IL1RAPL1: variants seen among roughly 807,000 people sequenced by gnomAD.
IL1RAPL1 encodes the protein interleukin-1 receptor accessory protein-like 1.
Under a neutral mutation model 48.4 loss-of-function variants are expected in IL1RAPL1, and 3 were observed. That is an observed-to-expected ratio of 0.06 (90% CI 0.03 to 0.16). The LOEUF (loss-of-function observed/expected upper bound fraction) is 0.16, where lower values mean the gene tolerates loss of function less well. Ranked by LOEUF, IL1RAPL1 falls within the 10% of genes least tolerant of loss-of-function variation. The pLI is 1.00. For synonymous variants in IL1RAPL1, 185 were observed against 187.7 expected, an observed-to-expected ratio of 0.99 and a Z score of 0.12; for missense variants, 349 against 530.6, an observed-to-expected ratio of 0.66 and a Z score of 3.36.
chrX:29,849,222 T>C (rs1931312397), intron 6 of IL1RAPL1, among the ~76,000 whole-genome samples: 1 of 112,314 alleles, frequency 8.9e-6, no homozygotes, highest in Non-Finnish European at 1.9e-5. Context: ...TTCTCCCTTA[T>C]GTTCTGACTT....
intron 3 of IL1RAPL1, among the ~76,000 whole-genome samples, chrX:29,310,863 G>C (rs972400004): frequency 3.1e-4 from 35 of 111,750 alleles, no homozygotes; most frequent in African/African-American, 1.1e-3. Context: ...AATTCTTCTA[G>C]GCATTCCTAT....
chrX:28,961,765 C>A (rs1924785159), intron 2 of IL1RAPL1, among the ~76,000 whole-genome samples: 1 of 111,786 alleles, frequency 8.9e-6, no homozygotes, highest in African/African-American at 3.3e-5. Context: ...CCCCCTCTCC[C>A]AAATTAATTA....
rs111823262 is a variant in IL1RAPL1 at position 28,955,454 on chromosome X, G to A, written c.82+166029G>A. Among the ~76,000 whole-genome samples the A allele has an allele frequency of 1.7e-3, 192 of 110,721 alleles. 1 individual carries two copies. The highest frequency in any genetic ancestry group is 9.2e-3 in the Middle Eastern group (2 of 217). On this transcript the variant is annotated intron_variant, in intron 2 of 10. Transcript: ENST00000378993. ...CGAATCATTAAAAATTACTAATCTTGTATAAGGTATAAGGAAGGGATCCAG... is the reference window on the plus strand; with the variant it reads ...CGAATCATTAAAAATTACTAATCTTATATAAGGTATAAGGAAGGGATCCAG...
chrX:29,230,523 A>AACAAAAC (rs1931179274), intron 2 of IL1RAPL1, among the ~76,000 whole-genome samples: 6 of 93,329 alleles, frequency 6.4e-5, no homozygotes, highest in African/African-American at 2.5e-4. Flanking sequence ...AAAAAAAAAA[A>AACAAAAC]AAAAAAAAAA....
At chrX:29,276,223 G>A (rs897892690) in intron 2 of IL1RAPL1, among the ~76,000 whole-genome samples, 8 of 111,892 alleles carry the variant, frequency 7.1e-5, no homozygotes, top group Non-Finnish European at 1.1e-4. Flanking sequence ...CCTGAAGCTG[G>A]CAATACTTTT....
intron 2 of IL1RAPL1, among the ~76,000 whole-genome samples, chrX:29,154,701 G>A (rs1427087538): frequency 2.7e-5 from 3 of 111,620 alleles, no homozygotes; most frequent in Non-Finnish European, 3.8e-5. Context: ...GATTAAGCCC[G>A]ATTTTTCAAC....
chrX:29,758,299 G>A (rs1928666661), intron 6 of IL1RAPL1, among the ~76,000 whole-genome samples: 1 of 111,389 alleles, frequency 9.0e-6, no homozygotes, highest in Admixed American at 9.6e-5. Flanking sequence ...GAACATATGA[G>A]AATTACATTA....
At chrX:29,752,101 T>C (rs1015090970) in intron 6 of IL1RAPL1, among the ~76,000 whole-genome samples, 289 of 99,149 alleles carry the variant, frequency 2.9e-3, no homozygotes, top group East Asian at 5.5e-3. Flanking sequence ...TATATATATA[T>C]ATACACACAT....
At chrX:29,125,772 T>C (rs1040274173) in intron 2 of IL1RAPL1, among the ~76,000 whole-genome samples, 4 of 109,712 alleles carry the variant, frequency 3.6e-5, no homozygotes, top group Non-Finnish European at 7.6e-5. Flanking sequence ...TGACAAGGAA[T>C]AGAAGGGGAG....
At chrX:29,878,693 GA>G (rs1482405330) in intron 6 of IL1RAPL1, among the ~76,000 whole-genome samples, 2 of 111,667 alleles carry the variant, frequency 1.8e-5, no homozygotes, top group Non-Finnish European at 3.8e-5. Flanking sequence ...TGTTCTCTCT[GA>G]ATGAAGGGCA....
intron 2 of IL1RAPL1, among the ~76,000 whole-genome samples, chrX:28,855,728 A>T (rs1569186740): frequency 9.0e-6 from 1 of 111,415 alleles, no homozygotes; most frequent in Non-Finnish European, 1.9e-5. Flanking sequence ...ATAGTTTTCT[A>T]GTTTAGAGCC....
intron 2 of IL1RAPL1, among the ~76,000 whole-genome samples, chrX:29,261,412 C>G (rs1436936805): frequency 1.8e-5 from 2 of 111,164 alleles, no homozygotes; most frequent in African/African-American, 6.5e-5. Context: ...ATGCCTTAGG[C>G]TAAATTCTTA....
chrX:29,851,010 A>C (rs1183386988), intron 6 of IL1RAPL1, among the ~76,000 whole-genome samples: 1 of 111,647 alleles, frequency 9.0e-6, no homozygotes, highest in Non-Finnish European at 1.9e-5. Context: ...TCTGAATCCC[A>C]GTATCTGTCC....
intron 2 of IL1RAPL1, among the ~76,000 whole-genome samples, chrX:28,847,421 A>T (rs1371436131): frequency 9.0e-6 from 1 of 110,970 alleles, no homozygotes; most frequent in Non-Finnish European, 1.9e-5. Flanking sequence ...TCACTTACCA[A>T]TTGTATGATA....
chrX:29,506,826 C>T (rs190014811), intron 5 of IL1RAPL1, among the ~76,000 whole-genome samples: 13 of 110,495 alleles, frequency 1.2e-4, no homozygotes, highest in Non-Finnish European at 2.1e-4. Flanking sequence ...TTCAGGTACT[C>T]CTGATGTTTC....
At chrX:29,145,464 T>C (rs1929333449) in intron 2 of IL1RAPL1, among the ~76,000 whole-genome samples, 1 of 112,651 alleles carries the variant, frequency 8.9e-6, no homozygotes, top group African/African-American at 3.2e-5. Context: ...CCCCGTCTCC[T>C]ATGCTTCTCC....
intron 5 of IL1RAPL1, among the ~76,000 whole-genome samples, chrX:29,531,310 G>GA (rs1921031327): frequency 9.0e-6 from 1 of 111,626 alleles, no homozygotes; most frequent in South Asian, 3.7e-4. Context: ...ACCAAATAAT[G>GA]AAGGTCAAGC....
chrX:29,192,914 T>G (rs1930378499), intron 2 of IL1RAPL1, among the ~76,000 whole-genome samples: 1 of 111,185 alleles, frequency 9.0e-6, no homozygotes, highest in Admixed American at 9.6e-5. Flanking sequence ...GTTAATATGT[T>G]AAATGTTCAT....
intron 5 of IL1RAPL1, among the ~76,000 whole-genome samples, chrX:29,562,114 TA>T (rs67667511): frequency 0.041 from 2,273 of 54,853 alleles, 39 homozygotes; most frequent in South Asian, 0.058. Flanking sequence ...TCTATCTATC[TA>T]ATCTATCTAT....
Sources: gnomAD v4.1 joint callset for allele counts (sites outside exome capture counted in the v4.1 genomes callset) on GRCh38, gnomAD v4.1.1 for gene constraint, MANE v1.5 for transcripts, NCBI Gene and HGNC (gene_info 2026-07-23, HGNC 2026-07-21) for gene names.